CNTNAP3B: variants seen among roughly 807,000 people sequenced by gnomAD.
The protein encoded by CNTNAP3B is contactin associated protein family member 3B.
In CNTNAP3B, 25 loss-of-function variants were observed where a neutral mutation model predicts 108.9. That is an observed-to-expected ratio of 0.23 (90% CI 0.17 to 0.32). CNTNAP3B has a LOEUF of 0.32. Ranked by LOEUF, CNTNAP3B falls within the 10% of genes least tolerant of loss-of-function variation. CNTNAP3B has a pLI of 1.00. For missense variants in CNTNAP3B, 252 were observed against 1,210.4 expected, an observed-to-expected ratio of 0.21 and a Z score of 11.75; for synonymous variants, 103 against 473.4, an observed-to-expected ratio of 0.22 and a Z score of 10.16.
intron 2 of CNTNAP3B, among the ~76,000 whole-genome samples, chr9:42,090,952 C>T (rs1336368145): frequency 3.9e-5 from 2 of 51,078 alleles, no homozygotes; most frequent in Non-Finnish European, 7.9e-5. Flanking sequence ...TACACACTGA[C>T]TCTCTCTAAA....
At chr9:42,100,072 A>G (rs1471927681) in intron 2 of CNTNAP3B, among the ~76,000 whole-genome samples, 2 of 45,082 alleles carry the variant, frequency 4.4e-5, no homozygotes, top group African/African-American at 1.5e-4. Flanking sequence ...AGCATGATAG[A>G]TGTGTGTGGG....
chr9:41,967,361 C>G (rs1825311816), intron 10 of CNTNAP3B, among the ~76,000 whole-genome samples: 1 of 152,086 alleles, frequency 6.6e-6, no homozygotes, highest in African/African-American at 2.4e-5. Flanking sequence ...TGCACAGGTT[C>G]TCTTGCGTGC....
At chr9:41,916,154 T>A (rs1171285320) in intron 18 of CNTNAP3B, among the ~76,000 whole-genome samples, 12 of 147,410 alleles carry the variant, frequency 8.1e-5, no homozygotes, top group African/African-American at 2.8e-4. Flanking sequence ...CATTTCTAGT[T>A]CTCTTTCTTT....
chr9:41,964,423 A>T (rs1183290255), intron 11 of CNTNAP3B, 115 bp downstream of exon 11: 1 of 1,430,392 alleles, frequency 7.0e-7, no homozygotes, highest in African/African-American at 1.5e-5. Context: ...GAGTGCTGAA[A>T]TATCTCTTCT....
intron 13 of CNTNAP3B, among the ~76,000 whole-genome samples, chr9:41,943,631 C>A (rs1824433103): frequency 6.7e-6 from 1 of 150,030 alleles, no homozygotes; most frequent in Non-Finnish European, 1.5e-5. Context: ...GGATTACAGG[C>A]AAGTGAGTCA....
At chr9:41,939,603 A>G (rs1824271298) in intron 13 of CNTNAP3B, among the ~76,000 whole-genome samples, 1 of 152,304 alleles carries the variant, frequency 6.6e-6, no homozygotes, top group Non-Finnish European at 1.5e-5. Context: ...CTACAACGTA[A>G]AAGATATTTT....
rs1156882673 is a variant in CNTNAP3B, at chr9:42,030,813, G to GAGAGAGAGAGA, written c.391-17289_391-17288insTCTCTCTCTCT. ...TGTGCGAGAGAGAGAGAGAGAGAGAGGAGAGAGAGAGAGAGAGAGAGAGAG... is the reference window on the plus strand; with the variant it reads ...TGTGCGAGAGAGAGAGAGAGAGAGAGAGAGAGAGAGAGAGAGAGAGAGAGAGAGAGAGAGAG... On this transcript the variant is annotated intron_variant, in intron 3 of 23. Coordinates refer to ENST00000377561, the MANE Select transcript of CNTNAP3B (RefSeq NM_001201380.3). Among the ~76,000 whole-genome samples, 37 of 65,774 alleles carry GAGAGAGAGAGA rather than the reference G, an allele frequency of 5.6e-4. 4 individuals carry two copies. The highest frequency in any genetic ancestry group is 3.0e-3 in the East Asian group (6 of 2,004). The allele number at this position is 65,774 out of a possible 152,430, so 43.2% of individuals were successfully genotyped here.
chr9:41,961,925 T>C (rs1307429914), intron 11 of CNTNAP3B, among the ~76,000 whole-genome samples: 1 of 152,306 alleles, frequency 6.6e-6, no homozygotes, highest in Admixed American at 6.5e-5. Context: ...TATGGCATAT[T>C]GATTTAAATA....
intron 13 of CNTNAP3B, among the ~76,000 whole-genome samples, chr9:41,938,935 G>A (rs1408686139): frequency 2.6e-5 from 4 of 152,176 alleles, no homozygotes; most frequent in Non-Finnish European, 5.9e-5. Flanking sequence ...TCTTTATTTG[G>A]AGGTTAAGGA....
intron 2 of CNTNAP3B, among the ~76,000 whole-genome samples, chr9:42,099,266 AT>A (rs1827974831): frequency 8.1e-6 from 1 of 124,084 alleles, no homozygotes. Flanking sequence ...TAATGGCCTC[AT>A]TAGGGCAGTT....
chr9:42,075,623 A>G (rs1353762628), intron 3 of CNTNAP3B, among the ~76,000 whole-genome samples: 3 of 124,794 alleles, frequency 2.4e-5, no homozygotes, highest in Non-Finnish European at 5.0e-5. Flanking sequence ...TAACTTGGTA[A>G]CAAAAATGCT....
At chr9:41,961,291 T>C (rs867337631) in intron 11 of CNTNAP3B, among the ~76,000 whole-genome samples, 911 of 150,986 alleles carry the variant, frequency 6.0e-3, no homozygotes, top group Non-Finnish European at 9.5e-3. Context: ...CTGTACTTTC[T>C]CTACATAAAT....
At chr9:41,924,680 C>CACACACACACAT (rs1823763886) in intron 15 of CNTNAP3B, among the ~76,000 whole-genome samples, 1 of 145,472 alleles carries the variant, frequency 6.9e-6, no homozygotes, top group African/African-American at 2.5e-5. Context: ...CACACACACA[C>CACACACACACAT]ACACACACAC....
At chr9:42,097,647 G>T (rs1288047892) in intron 2 of CNTNAP3B, among the ~76,000 whole-genome samples, 1 of 137,936 alleles carries the variant, frequency 7.2e-6, no homozygotes, top group East Asian at 2.2e-4. Flanking sequence ...AATATTAGCT[G>T]AATTGTAATT....
At chr9:41,928,678 C>A (rs1398453704) in intron 15 of CNTNAP3B, among the ~76,000 whole-genome samples, 1 of 152,148 alleles carries the variant, frequency 6.6e-6, no homozygotes, top group African/African-American at 2.4e-5. Flanking sequence ...TCAGACTTCT[C>A]CACGGCAATG....
intron 3 of CNTNAP3B, among the ~76,000 whole-genome samples, chr9:42,061,278 A>C (rs1308501029): frequency 8.3e-5 from 9 of 107,942 alleles, no homozygotes; most frequent in Non-Finnish European, 1.7e-4. Context: ...GTTCAGGAGC[A>C]TGTTGTTTCA....
At chr9:41,961,377 G>A (rs1361719618) in intron 11 of CNTNAP3B, among the ~76,000 whole-genome samples, 1 of 152,302 alleles carries the variant, frequency 6.6e-6, no homozygotes, top group African/African-American at 2.4e-5. Flanking sequence ...GATACGAGAG[G>A]AAAACTTTGT....
At chr9:42,037,351 C>T (rs1261858975) in intron 3 of CNTNAP3B, among the ~76,000 whole-genome samples, 9 of 117,982 alleles carry the variant, frequency 7.6e-5, no homozygotes, top group South Asian at 2.7e-4. Context: ...GGAGGATGTT[C>T]GAACCCACTG....
intron 12 of CNTNAP3B, chr9:41,960,316 A>G (rs1269715439): frequency 5.7e-6 from 1 of 176,188 alleles, no homozygotes; most frequent in African/African-American, 2.4e-5. Context: ...GTTCATTTCT[A>G]ATATCTAAAG....
Sources: gnomAD v4.1 joint callset for allele counts (sites outside exome capture counted in the v4.1 genomes callset) on GRCh38, gnomAD v4.1.1 for gene constraint, MANE v1.5 for transcripts, NCBI Gene and HGNC (gene_info 2026-07-23, HGNC 2026-07-21) for gene names.